Variants in GGT1 observed in about 807,000 individuals in gnomAD.
GGT1 encodes the protein gamma-glutamyltransferase 1, also known as glutathione hydrolase 1 proenzyme.
In GGT1, 21 loss-of-function variants were observed where a neutral mutation model predicts 56.0. The ratio of observed to expected loss-of-function variants is 0.38; its 90% confidence interval spans 0.27 to 0.54. The LOEUF is 0.54. Among genes scored for constraint, GGT1 ranks in the 20% least tolerant of loss-of-function variants. The pLI, the probability that GGT1 is intolerant of heterozygous loss-of-function variation, is 0.82. For missense variants in GGT1, 466 were observed against 787.0 expected (o/e 0.59, Z 4.88); for synonymous variants, 238 against 342.6 (o/e 0.69, Z 3.37).
rs2047582215 is a variant in GGT1 at position 24,623,887 on chromosome 22, G to A, written c.991G>A (p.Gly331Arg). ...TGCCTACGCCAAGAGGACCCTGCTT[G>A]GGGACCCCAAGTTTGTGGATGTGAC... is the stretch of plus-strand genomic sequence containing the variant. ...RFAYAKRTLL[G>R]DPKFVDVTEV... is the part of the protein sequence containing the mutation. Residue 331 changes from glycine (G) to arginine (R), a missense_variant, in exon 11 of 16, where the codon GGG (glycine) becomes AGG (arginine). Transcript: ENST00000400382. The A allele has an allele frequency of 1.2e-6, 2 of 1,611,366 alleles. No individual in the cohort carries two copies. Among genetic ancestry groups the A allele is most frequent in the African/African-American group, 1.3e-5 (1 of 74,826 alleles).
chr22:24,620,148 C>T lies in GGT1; in HGVS notation c.383-180C>T, dbSNP rs1372724485. ...GGAGGATCGCTTGAATCCAGGAGTT[C>T]GAGATCGGGCTGGGCAAGATGGCAA... On this transcript the variant is annotated intron_variant, in intron 7 of 15. Transcript: ENST00000400382. The surrounding 1 kb of genome is among the most constrained non-coding windows in gnomAD (Gnocchi z 5.6). Among the ~76,000 whole-genome samples, 6 of 151,716 alleles carry T rather than the reference C, an allele frequency of 4.0e-5. No homozygotes were observed. The highest frequency in any genetic ancestry group is 2.1e-4 in the South Asian group (1 of 4,794).
At chr22:24,616,744 ACTATGT>A (rs1371177132) in intron 7 of GGT1, among the ~76,000 whole-genome samples, 1 of 151,376 alleles carries the variant, frequency 6.6e-6, no homozygotes, top group East Asian at 2.0e-4. Flanking sequence ...ACGGGTTTTC[ACTATGT>A]TGCCCAGGCT....
chr22:24,589,270 G>T, the GGT1 span: 3 of 1,257,590 alleles, frequency 2.4e-6, no homozygotes, highest in South Asian at 2.7e-5. Context: ...GGGCAGCTGT[G>T]GGGTGGAGGC....
At position 24,596,902 on chromosome 22, in the gene GGT1, G is replaced by A. The variant is rs1440825900; in HGVS notation, c.-324+2016G>A. Among the ~76,000 whole-genome samples the A allele has an allele frequency of 4.9e-5, 6 of 122,484 alleles. No individual in the cohort carries two copies. The East Asian group carries it at 1.0e-3, about 20-fold the overall frequency. 80.4% of individuals were successfully genotyped at this position (122,484 alleles called of 152,430 possible). On this transcript the variant is annotated intron_variant, in intron 1 of 6. Transcript: ENST00000411974. The stretch of plus-strand genomic sequence containing the variant: ...CTTCACTCCAGCCTGGTGACAGAGC[G>A]AGACTCTGTCTCAAAAAAAAAAAAA...
the GGT1 span, chr22:24,586,289 A>G: frequency 6.2e-7 from 1 of 1,614,010 alleles, no homozygotes. Flanking sequence ...CAGCACCGCC[A>G]GCACAGCACC....
intron 1 of GGT1, among the ~76,000 whole-genome samples, chr22:24,605,359 TG>T (rs2046083643): frequency 1.8e-5 from 1 of 54,720 alleles, no homozygotes; most frequent in African/African-American, 1.4e-4. Flanking sequence ...TTATATAATA[TG>T]TATTATATAT....
intron 11 of GGT1, among the ~76,000 whole-genome samples, chr22:24,625,913 A>G (rs1286585501): frequency 2.0e-5 from 3 of 150,216 alleles, no homozygotes; most frequent in Non-Finnish European, 2.9e-5. Flanking sequence ...CCTTGAGGGC[A>G]GATTCAGACA....
At position 24,621,034 on chromosome 22, in the gene GGT1, C is replaced by T. The variant is rs2047381878; in HGVS notation, c.697C>T (p.Leu233Phe). 1 of 1,603,318 alleles carries T rather than the reference C, an allele frequency of 6.2e-7. No individual in the cohort carries two copies. The highest frequency in any genetic ancestry group is 1.7e-5 in the Admixed American group (1 of 58,822). Residue 233 changes from leucine to phenylalanine, a missense_variant, in exon 9 of 16, where the codon CTC becomes TTC. Physicochemically the swap from Leu to Phe is conservative, Grantham distance 22 (BLOSUM62 0). Coordinates refer to ENST00000400382, the MANE Select transcript of GGT1 (RefSeq NM_001288833.2). ...EGAQAFYNGS[L>F]TAQIVKDIQA... The stretch of plus-strand genomic sequence containing the variant: ...TGCCCAGGCCTTCTACAACGGCAGC[C>T]TCACGGCCCAGATTGTGAAGGACAT...
rs570419339 is a variant in GGT1, at chr22:24,610,775, G to C, written c.-8+244G>C. Among the ~76,000 whole-genome samples the C allele has an allele frequency of 9.9e-3, 1,449 of 145,952 alleles. 47 individuals carry two copies. The highest frequency in any genetic ancestry group is 0.033 in the African/African-American group (1,335 of 40,354). ...TAGGCAAGGCCCTGCAGAAAGAGGG[G>C]TGTGGAAATCTGGGGGCTCCCAGGA... is the stretch of plus-strand genomic sequence containing the variant. On this transcript the variant is annotated intron_variant, in intron 4 of 15. Coordinates refer to ENST00000400382, the MANE Select transcript of GGT1 (RefSeq NM_001288833.2).
At chr22:24,617,762 C>T (rs558378485) in intron 7 of GGT1, among the ~76,000 whole-genome samples, 8 of 152,120 alleles carry the variant, frequency 5.3e-5, no homozygotes, top group East Asian at 3.9e-4. Context: ...GTCTGGTGAT[C>T]GGAGGAGCAG....
rs2330818 is a variant in GGT1, at chr22:24,607,446, C to T, written c.-428-508C>T. Among the ~76,000 whole-genome samples the T allele has an allele frequency of 9.8e-5, 15 of 152,300 alleles. No homozygotes were observed. The East Asian group carries it at 2.1e-3, about 22-fold the overall frequency. On this transcript the variant is annotated intron_variant, in intron 1 of 15. Transcript: ENST00000400382. ...ACTGGAGGGGCTCGTGGGCAGACAG[C>T]GCCCTTTGGAGGGAACTGAGTCTGA...
At chr22:24,605,229 G>T (rs1382767465) in intron 1 of GGT1, among the ~76,000 whole-genome samples, 1 of 17,702 alleles carries the variant, frequency 5.6e-5, no homozygotes, top group Non-Finnish European at 9.3e-5. Flanking sequence ...TATATAATAT[G>T]TATTATATTA....
chr22:24,602,347 T>C (rs2045797527), upstream of GGT1, among the ~76,000 whole-genome samples: 6 of 152,146 alleles, frequency 3.9e-5, no homozygotes, highest in Admixed American at 3.9e-4. Flanking sequence ...AGGTCAGGGC[T>C]CCTTGAGAGA....
At chr22:24,599,701 A>G (rs2006092), upstream of GGT1, among the ~76,000 whole-genome samples, 76,582 of 151,878 alleles carry the variant, frequency 0.5, 22,346 homozygotes, top group African/African-American at 0.81. Context: ...GGGCACGTCC[A>G]CCTGGCGCAT....
At chr22:24,606,648 C>G (rs1300812061) in intron 1 of GGT1, among the ~76,000 whole-genome samples, 2 of 152,178 alleles carry the variant, frequency 1.3e-5, no homozygotes, top group East Asian at 3.9e-4. Context: ...GTCACAGCAC[C>G]TCCACCCTAG....
chr22:24,608,081 T>C, intron 2 of GGT1, 58 bp downstream of exon 2: 1 of 457,278 alleles, frequency 2.2e-6, no homozygotes, highest in Non-Finnish European at 4.5e-6. Context: ...CCATGGCAGC[T>C]GACCTACTTT....
the GGT1 span, chr22:24,585,984 G>A: frequency 6.2e-7 from 1 of 1,610,564 alleles, no homozygotes; most frequent in Non-Finnish European, 8.5e-7. Flanking sequence ...CTGCCCTCAG[G>A]CTCAAGGTCC....
the GGT1 span, chr22:24,588,293 G>A: frequency 2.2e-4 from 351 of 1,613,524 alleles, 1 homozygote; most frequent in African/African-American, 1.5e-3. Context: ...ATGAGCTGTC[G>A]GCAGATCTTG....
Position 24,615,553 on chromosome 22 carries a change from T to C in GGT1, c.382+426T>C, listed in dbSNP as rs4049864. ...GGCTCAGACAGGTCACGCAAATCAG[T>C]TGAGGTCACACAGCTGGGAGGTGGT... On this transcript the variant is annotated intron_variant, in intron 7 of 15. Coordinates refer to ENST00000400382, the MANE Select transcript of GGT1 (RefSeq NM_001288833.2). Among the ~76,000 whole-genome samples the C allele has an allele frequency of 3.3e-4, 50 of 152,184 alleles. 1 individual carries two copies. The South Asian group carries it at 3.5e-3, about 11-fold the overall frequency.
Sources: gnomAD v4.1 joint callset for allele counts (sites outside exome capture counted in the v4.1 genomes callset) on GRCh38, gnomAD v4.1.1 for gene constraint, Gnocchi (gnomAD v3.1) non-coding constraint, MANE v1.5 for transcripts, NCBI Gene and HGNC (gene_info 2026-07-23, HGNC 2026-07-21) for gene names.